DCHS2: variants seen among roughly 807,000 people sequenced by gnomAD.
DCHS2 encodes dachsous cadherin-related 2, also known as protocadherin-23.
In DCHS2, 142 loss-of-function variants were observed where a neutral mutation model predicts 182.4. The observed-to-expected ratio is 0.78, with a 90% confidence interval of 0.68 to 0.89. The LOEUF (loss-of-function observed/expected upper bound fraction) is 0.89, where lower values mean the gene tolerates loss of function less well. DCHS2 is among the 40% of genes least tolerant of loss of function. The pLI is 0.00. For missense variants in DCHS2, 4,319 were observed against 4,198.6 expected (o/e 1.03, Z -0.79); for synonymous variants, 1,740 against 1,663.3 (o/e 1.05, Z -1.12).
chr4:154,362,003 A>G (rs1047411707), intron 3 of DCHS2, among the ~76,000 whole-genome samples: 5 of 152,206 alleles, frequency 3.3e-5, no homozygotes, highest in Admixed American at 1.3e-4. Flanking sequence ...TTCTAGAGTA[A>G]TTCAGGAAGA....
At chr4:154,432,089 G>A (rs548511154) in intron 1 of DCHS2, among the ~76,000 whole-genome samples, 1 of 152,294 alleles carries the variant, frequency 6.6e-6, no homozygotes, top group South Asian at 2.1e-4. Context: ...TCGACTATGG[G>A]AAATGTTTTG....
chr4:154,312,097 G>C (rs2111316937), intron 10 of DCHS2, among the ~76,000 whole-genome samples: 1 of 152,218 alleles, frequency 6.6e-6, no homozygotes, highest in African/African-American at 2.4e-5. Flanking sequence ...GCCTAAGTAG[G>C]CGATGGCTTC....
At chr4:154,458,289 T>A (rs1165353048) in intron 1 of DCHS2, among the ~76,000 whole-genome samples, 3 of 151,872 alleles carry the variant, frequency 2.0e-5, no homozygotes, top group Non-Finnish European at 4.4e-5. Context: ...ATCAGACCCA[T>A]ATTTCCAAAT....
intron 1 of DCHS2, among the ~76,000 whole-genome samples, chr4:154,432,314 C>A (rs959974546): frequency 1.3e-5 from 2 of 152,158 alleles, no homozygotes; most frequent in African/African-American, 4.8e-5. Flanking sequence ...AGCTTATCTA[C>A]AACTATGATT....
chr4:154,355,066 G>C (rs1383027467), intron 3 of DCHS2, among the ~76,000 whole-genome samples: 3 of 152,054 alleles, frequency 2.0e-5, no homozygotes, highest in African/African-American at 4.8e-5. Context: ...TTGAACCAGA[G>C]TGACTCCATC....
At chr4:154,442,404 A>G (rs1468859052) in intron 1 of DCHS2, among the ~76,000 whole-genome samples, 1 of 151,890 alleles carries the variant, frequency 6.6e-6, no homozygotes, top group Non-Finnish European at 1.5e-5. Flanking sequence ...GCCCTTCCTG[A>G]GTCCCCCAAA....
chr4:154,381,123 A>G lies in DCHS2; in HGVS notation c.2053-3679T>C, dbSNP rs559834295. On this transcript the variant is annotated intron_variant, in intron 1 of 19. Coordinates refer to ENST00000357232, the MANE Select transcript of DCHS2 (RefSeq NM_001358235.2). ...GATATCTCAAGAGGATTTTATCCCT[A>G]CGTCTACTTATTGAGCCACATTACA... 1.4e-4 allele frequency among the ~76,000 whole-genome samples: 22 copies of G among 152,190 alleles called. 1 individual carries two copies. Among genetic ancestry groups the G allele is most frequent in the African/African-American group, 5.3e-4 (22 of 41,562 alleles).
rs576639733 is a variant in DCHS2, at chr4:154,307,439, G to A, written c.5261-2208C>T. The stretch of plus-strand genomic sequence containing the variant: ...AATACACACATACACAGATGTGCGC[G>A]CGCACACACACACACACACACACAC... On this transcript the variant is annotated intron_variant, in intron 10 of 19. Coordinates refer to ENST00000357232, the MANE Select transcript of DCHS2 (RefSeq NM_001358235.2). Among the ~76,000 whole-genome samples the A allele has an allele frequency of 7.8e-4, 27 of 34,490 alleles. No homozygotes were observed. The South Asian group carries it at 0.029, about 37-fold the overall frequency. 22.6% of individuals were successfully genotyped at this position (34,490 alleles called of 152,430 possible).
At chr4:154,435,255 G>A (rs1733727760) in intron 1 of DCHS2, among the ~76,000 whole-genome samples, 1 of 152,154 alleles carries the variant, frequency 6.6e-6, no homozygotes, top group Non-Finnish European at 1.5e-5. Context: ...AGATTGATCA[G>A]CAAATTCTCA....
At chr4:154,330,685 A>C (rs927133018) in intron 5 of DCHS2, among the ~76,000 whole-genome samples, 1 of 152,244 alleles carries the variant, frequency 6.6e-6, no homozygotes, top group Non-Finnish European at 1.5e-5. Flanking sequence ...TGCATTAAAA[A>C]AAAGTGGAAA....
At chr4:154,464,939 T>C (rs1203368883) in intron 1 of DCHS2, among the ~76,000 whole-genome samples, 1 of 152,184 alleles carries the variant, frequency 6.6e-6, no homozygotes, top group African/African-American at 2.4e-5. Flanking sequence ...GAGATCTTTC[T>C]ACCTCCTAGT....
chr4:154,273,067 A>C (rs1227463671), intron 13 of DCHS2, among the ~76,000 whole-genome samples: 2 of 152,170 alleles, frequency 1.3e-5, no homozygotes, highest in African/African-American at 2.4e-5. Context: ...AAGTAGATCT[A>C]CCATTTGATC....
rs146317350 is a variant in DCHS2, at chr4:154,236,520, C to T, written c.8132G>A (p.Gly2711Glu). ...IYNIISGNEK[G>E]HFYLEENTGV... ...AGTGTTTTCTTCTAAGTAAAAATGT[C>T]CCTTCTCATTTCCAGAGATGATGTT... Residue 2711 changes from glycine (G) to glutamate (E), a missense_variant, in exon 20 of 20, where the codon GGA becomes GAA. Physicochemically the swap from Gly to Glu is moderately conservative, Grantham distance 98. Transcript: ENST00000357232. 1.7e-5 allele frequency: 27 copies of T among 1,613,950 alleles called. No homozygotes were observed. In the African/African-American group the frequency reaches 3.2e-4, roughly 19 times the overall value.
At chr4:154,486,360 G>C in intron 1 of DCHS2, 1 of 1,282,240 alleles carries the variant, frequency 7.8e-7, no homozygotes, top group Non-Finnish European at 1.0e-6. Context: ...CCCAAACATT[G>C]GGGATGTGGA....
At chr4:154,309,356 C>G (rs1250159992) in intron 10 of DCHS2, among the ~76,000 whole-genome samples, 1 of 152,152 alleles carries the variant, frequency 6.6e-6, no homozygotes, top group Non-Finnish European at 1.5e-5. Flanking sequence ...GTCAGAAGGA[C>G]AGAAAATGGG....
At chr4:154,237,807 A>G (rs918051027) in intron 19 of DCHS2, among the ~76,000 whole-genome samples, 3 of 152,294 alleles carry the variant, frequency 2.0e-5, no homozygotes, top group African/African-American at 7.2e-5. Context: ...AGAATACAGA[A>G]TGCTGACATT....
At chr4:154,479,036 A>T (rs2111033007) in intron 1 of DCHS2, among the ~76,000 whole-genome samples, 1 of 152,358 alleles carries the variant, frequency 6.6e-6, no homozygotes, top group Admixed American at 6.5e-5. Context: ...TTTCACAGAT[A>T]AAACTTTAAA....
Position 154,315,888 on chromosome 4 carries a change from G to T in DCHS2, c.5120C>A (p.Ser1707Tyr), listed in dbSNP as rs192980563. 2.4e-5 allele frequency: 38 copies of T among 1,613,962 alleles called. No individual in the cohort carries two copies. In the Admixed American group the frequency reaches 6.0e-4, roughly 25 times the overall value. ...LDDGTPALSSSQTLTVTVLDV... is the reference protein window; with the variant it reads ...LDDGTPALSSYQTLTVTVLDV... The stretch of plus-strand genomic sequence containing the variant: ...AAGAACAGTAACTGTCAAAGTCTGG[G>T]ATGAAGAAAGTGCTGGTGTGCCATC... Residue 1707 changes from serine to tyrosine, a missense_variant, in exon 10 of 20, where the codon TCC (serine) becomes TAC (tyrosine). Physicochemically the swap from Ser to Tyr is moderately radical, Grantham distance 144 (BLOSUM62 -2). Transcript: ENST00000357232.
intron 14 of DCHS2, among the ~76,000 whole-genome samples, chr4:154,263,800 A>G (rs995311212): frequency 5.3e-5 from 8 of 152,118 alleles, no homozygotes; most frequent in African/African-American, 1.9e-4. Flanking sequence ...ACTCATGAAT[A>G]CAATCCACAG....
Sources: gnomAD v4.1 joint callset for allele counts (sites outside exome capture counted in the v4.1 genomes callset) on GRCh38, gnomAD v4.1.1 for gene constraint, MANE v1.5 for transcripts, NCBI Gene and HGNC (gene_info 2026-07-23, HGNC 2026-07-21) for gene names.